Variants in COL4A5 observed in about 807,000 individuals in gnomAD.
COL4A5 encodes collagen alpha-5(IV) chain.
COL4A5 carries 26 observed loss-of-function variants against 130.2 expected under a neutral mutation model. The observed-to-expected ratio is 0.20, with a 90% CI of 0.15 to 0.28. The LOEUF is 0.28. Ranked by LOEUF, COL4A5 falls within the 10% of genes least tolerant of loss-of-function variation. The pLI is 1.00. For missense variants in COL4A5, 1,131 were observed against 1,344.3 expected, an observed-to-expected ratio of 0.84 and a Z score of 2.48; for synonymous variants, 496 against 439.6, an observed-to-expected ratio of 1.13 and a Z score of -1.60.
chrX:108,660,665 C>A (rs1011467219), intron 37 of COL4A5, among the ~76,000 whole-genome samples: 9 of 111,106 alleles, frequency 8.1e-5, no homozygotes, highest in African/African-American at 2.9e-4. Context: ...TTGAGATTTT[C>A]TCTCTGTAAT....
Position 108,440,223 on chromosome X carries a change from CT to C in COL4A5, c.81+18del, listed in dbSNP as rs1263200499. The stretch of plus-strand genomic sequence containing the variant: ...GAGGCTGCGGTAAGTCCTTCCTCCC[CT>C]CCCCCGCGCCCATCACCGCTCTTTC... On this transcript the variant is annotated intron_variant, in intron 1 of 52. Coordinates refer to ENST00000328300, the MANE Select transcript of COL4A5 (RefSeq NM_033380.3). 2 of 1,121,235 alleles carry C rather than the reference CT, an allele frequency of 1.8e-6. No individual in the cohort carries two copies. Among genetic ancestry groups the C allele is most frequent in the Non-Finnish European group, 2.5e-6 (2 of 816,105 alleles). 92.4% of individuals were successfully genotyped at this position (1,121,235 alleles called of 1,213,427 possible).
At chrX:108,526,709 C>G (rs2065328931) in intron 1 of COL4A5, among the ~76,000 whole-genome samples, 1 of 88,757 alleles carries the variant, frequency 1.1e-5, no homozygotes, top group Non-Finnish European at 2.2e-5. Flanking sequence ...TTCTTTCTTT[C>G]TTTCTTTCTT....
intron 37 of COL4A5, among the ~76,000 whole-genome samples, chrX:108,660,569 C>A (rs956403611): frequency 1.6e-4 from 18 of 111,669 alleles, no homozygotes; most frequent in African/African-American, 4.9e-4. Context: ...ACTGTCTTTT[C>A]GTCTCCATTT....
chrX:108,548,338 A>G (rs2065697572), intron 2 of COL4A5, among the ~76,000 whole-genome samples: 2 of 112,297 alleles, frequency 1.8e-5, no homozygotes, highest in South Asian at 7.3e-4. Flanking sequence ...TATGGGCTTA[A>G]CAATAGAATG....
intron 36 of COL4A5, among the ~76,000 whole-genome samples, chrX:108,654,951 A>G (rs1203338926): frequency 8.9e-6 from 1 of 112,267 alleles, no homozygotes; most frequent in African/African-American, 3.2e-5. Flanking sequence ...CTCCATCACT[A>G]TAACATGGGA....
At chrX:108,525,097 G>C (rs2065300154) in intron 1 of COL4A5, among the ~76,000 whole-genome samples, 1 of 111,426 alleles carries the variant, frequency 9.0e-6, no homozygotes, top group Non-Finnish European at 1.9e-5. Flanking sequence ...GAGTATTGAA[G>C]TCCCCAACTA....
intron 35 of COL4A5, 59 bp downstream of exon 35, chrX:108,625,853 T>A (rs1476510344): frequency 3.5e-6 from 3 of 864,206 alleles, no homozygotes; most frequent in Non-Finnish European, 5.1e-6. Context: ...GTTCAATATC[T>A]CTTTTTTTGT....
At chrX:108,521,935 AC>A (rs918173349) in intron 1 of COL4A5, among the ~76,000 whole-genome samples, 7 of 110,679 alleles carry the variant, frequency 6.3e-5, no homozygotes, top group African/African-American at 2.3e-4. Context: ...CCAAAAAGAA[AC>A]CTCATGTCTC....
In COL4A5 at chrX:108,599,457, A is replaced by ATGTGTGTG. The variant is rs112135923; in HGVS notation, c.1948+601_1948+608dup. Among the ~76,000 whole-genome samples, 126 of 106,593 alleles carry ATGTGTGTG rather than the reference A, an allele frequency of 1.2e-3. 1 individual carries two copies. In the East Asian group the frequency reaches 0.023, roughly 19 times the overall value. The allele number at this position is 106,593 out of a possible 115,157, so 92.6% of individuals were successfully genotyped here. ...ATAGTATTTCATTGTATGTATGTTT[A>ATGTGTGTG]TGTGTGTGTGTGTGTGTGTGTTACA... On this transcript the variant is annotated intron_variant, in intron 25 of 52. Transcript: ENST00000328300.
chrX:108,454,777 A>C (rs1404333390), intron 1 of COL4A5, among the ~76,000 whole-genome samples: 2 of 109,745 alleles, frequency 1.8e-5, no homozygotes, highest in African/African-American at 6.7e-5. Context: ...TACTGAGCTC[A>C]AGTCTACTTC....
At chrX:108,625,840 GT>G in intron 35 of COL4A5, 46 bp downstream of exon 35, 1 of 951,883 alleles carries the variant, frequency 1.1e-6, no homozygotes, top group Non-Finnish European at 1.5e-6. Context: ...TTAATGAAAG[GT>G]GGTTCAATAT....
chrX:108,595,416 G>T lies in COL4A5; in HGVS notation c.1424-93G>T, dbSNP rs774463474. On this transcript the variant is annotated intron_variant, in intron 21 of 52. Coordinates refer to ENST00000328300, the MANE Select transcript of COL4A5 (RefSeq NM_033380.3). ...TCCAATCACACCATTAAGTGGAAAT[G>T]CTGTCCCTTAGTGCTAACATTTTTA... The T allele has an allele frequency of 1.6e-5, 12 of 736,487 alleles. No individual in the cohort carries two copies. In the South Asian group the frequency reaches 2.2e-4, roughly 13 times the overall value. The allele number at this position is 736,487 out of a possible 1,213,427, so 60.7% of individuals were successfully genotyped here.
At chrX:108,678,760 A>G (rs1368362349) in intron 44 of COL4A5, among the ~76,000 whole-genome samples, 1 of 110,825 alleles carries the variant, frequency 9.0e-6, no homozygotes, top group Non-Finnish European at 1.9e-5. Flanking sequence ...TTTAACATAG[A>G]TATACATTAA....
chrX:108,614,540 G>A (rs989361253), intron 29 of COL4A5, among the ~76,000 whole-genome samples: 2 of 111,537 alleles, frequency 1.8e-5, no homozygotes, highest in African/African-American at 6.5e-5. Context: ...ATAAGCCATG[G>A]CCCTGAGTTA....
At chrX:108,608,412 T>C (rs752803814) in intron 29 of COL4A5, among the ~76,000 whole-genome samples, 1 of 111,556 alleles carries the variant, frequency 9.0e-6, no homozygotes, top group African/African-American at 3.2e-5. Context: ...AAATTTTAAA[T>C]ATAACAAAGT....
At chrX:108,471,771 G>T (rs1297986540) in intron 1 of COL4A5, among the ~76,000 whole-genome samples, 1 of 111,314 alleles carries the variant, frequency 9.0e-6, no homozygotes, top group Non-Finnish European at 1.9e-5. Context: ...TTGGATGGGG[G>T]TTAAAGAACC....
chrX:108,569,768 C>T (rs1343561523), intron 6 of COL4A5, among the ~76,000 whole-genome samples: 2 of 110,890 alleles, frequency 1.8e-5, no homozygotes, highest in Non-Finnish European at 3.8e-5. Flanking sequence ...CAACCTCTGC[C>T]TCCCGGGTTC....
chrX:108,562,924 C>G (rs1255086865), intron 3 of COL4A5, among the ~76,000 whole-genome samples: 2 of 111,327 alleles, frequency 1.8e-5, no homozygotes, highest in Non-Finnish European at 3.8e-5. Flanking sequence ...CCTGAGTTAC[C>G]CACACACACT....
At chrX:108,517,975 T>C (rs1337500706) in intron 1 of COL4A5, among the ~76,000 whole-genome samples, 1 of 111,044 alleles carries the variant, frequency 9.0e-6, no homozygotes, top group Non-Finnish European at 1.9e-5. Context: ...GGGAGATATT[T>C]AACAATCTCC....
Sources: gnomAD v4.1 joint callset for allele counts (sites outside exome capture counted in the v4.1 genomes callset) on GRCh38, gnomAD v4.1.1 for gene constraint, MANE v1.5 for transcripts, NCBI Gene and HGNC (gene_info 2026-07-23, HGNC 2026-07-21) for gene names.